Variants in SMARCAD1 observed in about 807,000 individuals in gnomAD.
SMARCAD1 encodes the protein SNF2 related chromatin remodeling ATPase with DExD box 1.
In SMARCAD1, 25 loss-of-function variants were observed where a neutral mutation model predicts 127.1. The ratio of observed to expected loss-of-function variants is 0.20; its 90% CI spans 0.14 to 0.27. The LOEUF is 0.27. Ranked by LOEUF, SMARCAD1 falls within the 10% of genes least tolerant of loss-of-function variation. The pLI is 1.00. For synonymous variants in SMARCAD1, 400 were observed against 396.9 expected, an observed-to-expected ratio of 1.01 and a Z score of -0.09; for missense variants, 807 against 1,206.0, an observed-to-expected ratio of 0.67 and a Z score of 4.90.
Position 94,240,975 on chromosome 4 carries a change from A to G in SMARCAD1, c.674A>G (p.Asp225Gly), listed in dbSNP as rs1686159755. 2 of 1,612,596 alleles carry G rather than the reference A, an allele frequency of 1.2e-6. No individual in the cohort carries two copies. The highest frequency in any genetic ancestry group is 1.3e-5 in the African/African-American group (1 of 74,888). Residue 225 changes from aspartate to glycine, a missense_variant, in exon 6 of 24, where the codon GAT becomes GGT. Around this residue, in one of 8 missense-constraint regions of SMARCAD1, gnomAD observed 257 missense variants for 303.4 expected, o/e 0.85. Transcript: ENST00000354268. Reference sequence around the variant, plus strand: ...TATGAGGAAGATGAATTTAATGATGATCAATCTATAAAAAAGACAAGACTG... The same window carrying G: ...TATGAGGAAGATGAATTTAATGATGGTCAATCTATAAAAAAGACAAGACTG... The part of the protein sequence containing the change: ...EPYEEDEFND[D>G]QSIKKTRLDH...
At chr4:94,259,651 A>T (rs1403593940) in intron 9 of SMARCAD1, among the ~76,000 whole-genome samples, 3 of 151,910 alleles carry the variant, frequency 2.0e-5, no homozygotes, top group African/African-American at 4.8e-5. Flanking sequence ...ATGACCTTGT[A>T]CTCCCCTTCA....
At chr4:94,281,123 G>T (rs949752145) in intron 20 of SMARCAD1, among the ~76,000 whole-genome samples, 1 of 152,170 alleles carries the variant, frequency 6.6e-6, no homozygotes, top group African/African-American at 2.4e-5. Context: ...GTTTATGTGT[G>T]AAATAGCCTA....
chr4:94,285,089 A>G lies in SMARCAD1; in HGVS notation c.3019+20A>G. ...ATGAAGGTGAGTTGTTTGTAAGCAG[A>G]AACTTCAATATTTATCTATATGACC... is the stretch of plus-strand genomic sequence containing the variant. On this transcript the variant is annotated intron_variant, in intron 23 of 23. Transcript: ENST00000354268. 1 of 1,452,072 alleles carries G rather than the reference A, an allele frequency of 6.9e-7. No homozygotes were observed. The highest frequency in any genetic ancestry group is 1.2e-5 in the South Asian group (1 of 86,686). 89.9% of individuals were successfully genotyped at this position (1,452,072 alleles called of 1,614,324 possible).
At chr4:94,250,313 T>C (rs1343839658) in intron 7 of SMARCAD1, among the ~76,000 whole-genome samples, 2 of 152,072 alleles carry the variant, frequency 1.3e-5, no homozygotes, top group Admixed American at 6.5e-5. Context: ...TTGCACTGAT[T>C]TATTTGAGTA....
At chr4:94,268,528 G>A (rs1164206884) in intron 10 of SMARCAD1, among the ~76,000 whole-genome samples, 1 of 152,178 alleles carries the variant, frequency 6.6e-6, no homozygotes, top group Non-Finnish European at 1.5e-5. Context: ...AATTGGGAAG[G>A]ATGCATAAAA....
chr4:94,219,757 G>A (rs753103528), intron 2 of SMARCAD1, among the ~76,000 whole-genome samples: 12 of 152,068 alleles, frequency 7.9e-5, no homozygotes, highest in South Asian at 2.1e-4. Flanking sequence ...TGTTCATTTA[G>A]CATTTTGTGT....
chr4:94,239,496 CTACTT>C (rs1747238348), intron 5 of SMARCAD1, among the ~76,000 whole-genome samples: 2 of 150,400 alleles, frequency 1.3e-5, no homozygotes, highest in Non-Finnish European at 2.9e-5. Flanking sequence ...AGTTTTTACT[CTACTT>C]CAGAAGATAA....
At position 94,262,889 on chromosome 4, in the gene SMARCAD1, TAAA is replaced by T. The variant is rs368026206; in HGVS notation, c.1282-1802_1282-1800del. Among the ~76,000 whole-genome samples the T allele has an allele frequency of 8.0e-5, 7 of 87,442 alleles. No individual in the cohort carries two copies. In the East Asian group the frequency reaches 1.4e-3, roughly 18 times the overall value. 57.4% of individuals were successfully genotyped at this position (87,442 alleles called of 152,430 possible). A position where few individuals can be genotyped will look rare whatever the true frequency, so the allele number is the denominator to read the frequency against. ...ATTCAACAGTTACAGTAATTTCTGT[TAAA>T]AAAAAAAAAAAAAAAGAAAGAAAAG... On this transcript the variant is annotated intron_variant, in intron 9 of 23. Coordinates refer to ENST00000354268, the MANE Select transcript of SMARCAD1 (RefSeq NM_020159.5).
intron 8 of SMARCAD1, among the ~76,000 whole-genome samples, chr4:94,252,259 G>C (rs7659733): frequency 0.029 from 4,371 of 152,302 alleles, 189 homozygotes; most frequent in African/African-American, 0.098. Context: ...CTTTATAGTA[G>C]TGTAAGCATC....
At chr4:94,283,779 C>A (rs1000735672) in intron 22 of SMARCAD1, among the ~76,000 whole-genome samples, 1 of 151,676 alleles carries the variant, frequency 6.6e-6, no homozygotes, top group Non-Finnish European at 1.5e-5. Flanking sequence ...GAGCCGAGAT[C>A]ACCACCACTG....
intron 2 of SMARCAD1, among the ~76,000 whole-genome samples, chr4:94,208,794 C>T (rs555635233): frequency 6.6e-6 from 1 of 152,210 alleles, no homozygotes; most frequent in Admixed American, 6.5e-5. Context: ...TATATGAGTT[C>T]TTCGAATATG....
chr4:94,258,625 C>T (rs1365267021), intron 9 of SMARCAD1, among the ~76,000 whole-genome samples: 3 of 151,840 alleles, frequency 2.0e-5, no homozygotes, highest in African/African-American at 7.3e-5. Flanking sequence ...TTTTTTTATT[C>T]CATTGGTTTT....
chr4:94,276,030 C>A (rs1011684200), intron 14 of SMARCAD1, among the ~76,000 whole-genome samples: 4 of 151,994 alleles, frequency 2.6e-5, no homozygotes, highest in Non-Finnish European at 2.9e-5. Flanking sequence ...ATCTTCTGAC[C>A]TCGTGATCCG....
chr4:94,223,573 CTT>C (rs1025018303), intron 2 of SMARCAD1, among the ~76,000 whole-genome samples: 2 of 142,820 alleles, frequency 1.4e-5, no homozygotes, highest in Admixed American at 7.0e-5. Flanking sequence ...TTTCCTTTTT[CTT>C]TTTTTTTTTG....
chr4:94,282,092 G>GTTTTTTTT (rs144409121), intron 21 of SMARCAD1, among the ~76,000 whole-genome samples: 59 of 111,000 alleles, frequency 5.3e-4, no homozygotes, highest in Non-Finnish European at 6.8e-4. Context: ...ATGCAAATAC[G>GTTTTTTTT]TTTTTTTGTT....
intron 9 of SMARCAD1, among the ~76,000 whole-genome samples, chr4:94,254,488 A>G (rs542512568): frequency 6.6e-6 from 1 of 152,268 alleles, no homozygotes; most frequent in African/African-American, 2.4e-5. Flanking sequence ...CCAGAGGTAT[A>G]TGTGCCAGAT....
At chr4:94,252,574 TG>T in intron 8 of SMARCAD1, 41 bp from the exon 9 acceptor site, 1 of 1,311,350 alleles carries the variant, frequency 7.6e-7, no homozygotes, top group South Asian at 1.5e-5. Flanking sequence ...TTTATATTTA[TG>T]TATTTCTAAT....
At chr4:94,279,714 C>G (rs114577983) in intron 19 of SMARCAD1, among the ~76,000 whole-genome samples, 1,905 of 152,210 alleles carry the variant, frequency 0.013, 43 homozygotes, top group African/African-American at 0.044. Flanking sequence ...TTGCTAACTC[C>G]TAGTCTAGAC....
chr4:94,207,893 G>A lies in SMARCAD1; in HGVS notation c.-227G>A. On this transcript the variant is annotated 5_prime_UTR_variant, in exon 1 of 24. Transcript: ENST00000354268. ...TCAACTTCCGGGCGGATGCCCGCCA[G>A]CACGGCCTCCGCCGCTCCCCTTCTT... is the stretch of plus-strand genomic sequence containing the variant. 1 of 333,596 alleles carries A rather than the reference G, an allele frequency of 3.0e-6. No individual in the cohort carries two copies. The highest frequency in any genetic ancestry group is 5.9e-6 in the Non-Finnish European group (1 of 170,532). The allele number at this position is 333,596 out of a possible 1,614,324, so 20.7% of individuals were successfully genotyped here.
Sources: gnomAD v4.1 joint callset for allele counts (sites outside exome capture counted in the v4.1 genomes callset) on GRCh38, gnomAD v4.1.1 for gene constraint, gnomAD v4.1.1 regional missense constraint, MANE v1.5 for transcripts, NCBI Gene and HGNC (gene_info 2026-07-23, HGNC 2026-07-21) for gene names.